NAALADL2: variants seen among roughly 807,000 people sequenced by gnomAD.
NAALADL2 encodes N-acetylated alpha-linked acidic dipeptidase like 2.
A neutral mutation model predicts 87.2 loss-of-function variants in NAALADL2; 76 were observed. The observed-to-expected ratio is 0.87, with a 90% CI of 0.72 to 1.05. NAALADL2 has a LOEUF of 1.05. Among genes scored for constraint, NAALADL2 ranks in the 50% least tolerant of loss-of-function variants. NAALADL2 has a pLI of 0.00. For missense variants in NAALADL2, 1,089 were observed against 945.8 expected (o/e 1.15, Z -1.99); for synonymous variants, 354 against 331.0 (o/e 1.07, Z -0.75).
chr3:174,778,216 G>A (rs1207895715), intron 3 of NAALADL2, among the ~76,000 whole-genome samples: 1 of 151,920 alleles, frequency 6.6e-6, no homozygotes, highest in East Asian at 1.9e-4. Context: ...AATAAGGGAG[G>A]GCTTGGAACT....
intron 4 of NAALADL2, among the ~76,000 whole-genome samples, chr3:175,274,298 T>TA (rs1753272072): frequency 6.6e-6 from 1 of 152,162 alleles, no homozygotes; most frequent in Non-Finnish European, 1.5e-5. Context: ...ATGATACAGT[T>TA]ACCTCCCAAG....
upstream of NAALADL2, chr3:174,859,281 T>C (rs1726180293): frequency 1.5e-6 from 1 of 683,126 alleles, no homozygotes; most frequent in African/African-American, 1.8e-5. Flanking sequence ...GAATGGTAAT[T>C]ATTCACAGAA....
Position 175,028,828 on chromosome 3 carries a change from A to G in NAALADL2, c.44-67962A>G, listed in dbSNP as rs997967284. 5.9e-5 allele frequency among the ~76,000 whole-genome samples: 9 copies of G among 151,952 alleles called. No individual in the cohort carries two copies. In the East Asian group the frequency reaches 7.7e-4, roughly 13 times the overall value. On this transcript the variant is annotated intron_variant, in intron 1 of 13. Transcript: ENST00000454872. The stretch of plus-strand genomic sequence containing the variant: ...AAATCAATTTTTAATTCTGTTATTT[A>G]CAAATTAAACCAAAAATCTTAGTTG...
At chr3:174,718,928 A>G (rs1014058936) in intron 2 of NAALADL2, among the ~76,000 whole-genome samples, 5 of 152,180 alleles carry the variant, frequency 3.3e-5, no homozygotes, top group Admixed American at 2.0e-4. Context: ...AAAAAAATGC[A>G]GTCTTTTTTC....
intron 11 of NAALADL2, among the ~76,000 whole-genome samples, chr3:175,720,972 A>G (rs768901105): frequency 2.0e-5 from 3 of 152,156 alleles, no homozygotes; most frequent in Non-Finnish European, 4.4e-5. Context: ...AGGATAAAAG[A>G]ACTAATGGTG....
chr3:175,047,557 T>A (rs1308685749), intron 1 of NAALADL2, among the ~76,000 whole-genome samples: 1 of 152,096 alleles, frequency 6.6e-6, no homozygotes, highest in African/African-American at 2.4e-5. Context: ...CATAGAAACA[T>A]ACAACTTACC....
intron 5 of NAALADL2, among the ~76,000 whole-genome samples, chr3:175,341,374 T>A (rs1432451791): frequency 6.6e-6 from 1 of 152,198 alleles, no homozygotes; most frequent in East Asian, 1.9e-4. Flanking sequence ...ATTGTGTTGA[T>A]ACACCACGTA....
At chr3:175,606,008 C>A (rs1213455677) in intron 10 of NAALADL2, among the ~76,000 whole-genome samples, 2 of 152,262 alleles carry the variant, frequency 1.3e-5, no homozygotes, top group Non-Finnish European at 2.9e-5. Flanking sequence ...ATTCTTCAAG[C>A]CTGCTTAGCT....
intron 2 of NAALADL2, among the ~76,000 whole-genome samples, chr3:174,640,106 A>G (rs577483871): frequency 6.6e-6 from 1 of 152,286 alleles, no homozygotes; most frequent in East Asian, 1.9e-4. Flanking sequence ...AGCTTGGTAT[A>G]TAATGATTTA....
intron 5 of NAALADL2, among the ~76,000 whole-genome samples, chr3:175,367,900 G>C (rs2148933387): frequency 6.6e-6 from 1 of 152,268 alleles, no homozygotes; most frequent in South Asian, 2.1e-4. Flanking sequence ...ATGTTGAATA[G>C]GAGAGGTGAG....
At chr3:174,964,551 C>T (rs555964086) in intron 1 of NAALADL2, among the ~76,000 whole-genome samples, 8 of 151,926 alleles carry the variant, frequency 5.3e-5, no homozygotes, top group African/African-American at 1.9e-4. Flanking sequence ...TCTTGCAGAG[C>T]AGAATAATCC....
At chr3:174,882,667 A>ACACATATACGCATATGCGCATATG (rs1729471773) in intron 1 of NAALADL2, among the ~76,000 whole-genome samples, 1 of 115,124 alleles carries the variant, frequency 8.7e-6, no homozygotes, top group African/African-American at 4.2e-5. Flanking sequence ...ATGTGCATAT[A>ACACATATACGCATATGCGCATATG]CACATATGTG....
chr3:174,906,732 C>T (rs1400627541), intron 1 of NAALADL2, among the ~76,000 whole-genome samples: 3 of 152,066 alleles, frequency 2.0e-5, no homozygotes, highest in African/African-American at 7.2e-5. Flanking sequence ...CCAGAAGCTC[C>T]CAGCTATACC....
At chr3:174,940,291 T>G (rs892105456) in intron 1 of NAALADL2, among the ~76,000 whole-genome samples, 4 of 152,298 alleles carry the variant, frequency 2.6e-5, no homozygotes, top group Admixed American at 2.6e-4. Flanking sequence ...TCTTCAGTTC[T>G]GTTTATGTGA....
chr3:175,454,658 C>G (rs73884404), intron 6 of NAALADL2, among the ~76,000 whole-genome samples: 2,098 of 152,092 alleles, frequency 0.014, 38 homozygotes, highest in African/African-American at 0.047. Context: ...AAATTTTGAC[C>G]TAGTAAGTTC....
chr3:175,798,231 G>T (rs996856103), intron 13 of NAALADL2, among the ~76,000 whole-genome samples: 1 of 151,866 alleles, frequency 6.6e-6, no homozygotes, highest in Non-Finnish European at 1.5e-5. Context: ...GTGAAAAAAC[G>T]TATTTCTACT....
chr3:174,535,042 T>C (rs1174791661), intron 1 of NAALADL2, among the ~76,000 whole-genome samples: 1 of 152,190 alleles, frequency 6.6e-6, no homozygotes, highest in East Asian at 1.9e-4. Flanking sequence ...CTGCTCTAGG[T>C]AAATTAAAAA....
chr3:175,558,160 A>C (rs542500861), intron 9 of NAALADL2, among the ~76,000 whole-genome samples: 23 of 141,720 alleles, frequency 1.6e-4, no homozygotes, highest in African/African-American at 5.0e-4. Flanking sequence ...ACGCCACTGC[A>C]CTCCAACCTG....
intron 1 of NAALADL2, among the ~76,000 whole-genome samples, chr3:174,441,224 G>A (rs924999486): frequency 1.1e-4 from 17 of 151,946 alleles, no homozygotes; most frequent in Non-Finnish European, 2.4e-4. Context: ...GGGCCGAGGG[G>A]CGCCCGGCCG....
Sources: allele counts gnomAD v4.1 joint callset (sites outside exome capture counted in the v4.1 genomes callset), GRCh38; gene constraint gnomAD v4.1.1; transcripts MANE v1.5; gene names NCBI Gene and HGNC (gene_info 2026-07-23, HGNC 2026-07-21).